The following CCDC107 variants were observed in gnomAD, a reference collection of about 807,000 sequenced individuals.
CCDC107 encodes the protein coiled-coil domain-containing protein 107.
Under a neutral mutation model 17.9 loss-of-function variants are expected in CCDC107, and 17 were observed. The observed-to-expected ratio is 0.95, with a 90% confidence interval of 0.65 to 1.42. The LOEUF (loss-of-function observed/expected upper bound fraction) is 1.42. CCDC107 is among the 40% of genes most tolerant of loss of function. The probability of loss-of-function intolerance (pLI) is 0.00; values close to 1 mark genes in which losing one functional copy is unlikely to be tolerated. For missense variants in CCDC107, 388 were observed against 360.1 expected (o/e 1.08, Z -0.63); for synonymous variants, 170 against 157.2 (o/e 1.08, Z -0.61).
At chr9:35,659,875 C>G (rs968902494) in intron 2 of CCDC107, 1 of 152,708 alleles carries the variant, frequency 6.5e-6, no homozygotes, top group African/African-American at 2.4e-5. Context: ...GATGGAGTCT[C>G]GCTCTGTCAC....
Position 35,661,013 on chromosome 9 carries a change from G to A in CCDC107, c.678G>A (p.Trp226Ter). 1 of 1,614,094 alleles carries A rather than the reference G, an allele frequency of 6.2e-7. No individual in the cohort carries two copies. Among genetic ancestry groups the A allele is most frequent in the Non-Finnish European group, 8.5e-7 (1 of 1,179,978 alleles). ...AGGAGATTGGTGACAGTCAGGCCTG[G>A]GAGGAGCCCACAAACTGGAGCACAG... Reference protein sequence around the residue: ...DEEEIGDSQAWEEPTNWSTET... With the variant: ...DEEEIGDSQA The change falls in exon 5 of 5, where the codon TGG (tryptophan) becomes TGA (stop). Residue 226 changes from tryptophan (W) to a stop codon, truncating the protein, a stop_gained. Transcript: ENST00000426546. LOFTEE classifies it low-confidence loss of function (END_TRUNC).
chr9:35,659,551 GC>G (rs1258848113), intron 2 of CCDC107: 1 of 152,212 alleles, frequency 6.6e-6, no homozygotes, highest in Non-Finnish European at 1.5e-5. Context: ...TGCTTCACCT[GC>G]CAATCAGAAT....
Position 35,661,000 on chromosome 9 carries a change from ACAGT to A in CCDC107, c.669_672del (p.Ser223ArgfsTer16), listed in dbSNP as rs534657208. 522 of 1,614,150 alleles carry A rather than the reference ACAGT, an allele frequency of 3.2e-4. 2 individuals carry two copies. In the African/African-American group the frequency reaches 5.7e-3, roughly 18 times the overall value. ...AAGGAGGACGAGGAGGAGATTGGTG[ACAGT>A]CAGGCCTGGGAGGAGCCCACAAACT... On this transcript the variant is annotated frameshift_variant, in exon 5 of 5. Transcript: ENST00000426546. LOFTEE classifies it low-confidence loss of function (END_TRUNC).
At chr9:35,659,081 G>T (rs1418467095) in intron 2 of CCDC107, 1 of 200,036 alleles carries the variant, frequency 5.0e-6, no homozygotes, top group African/African-American at 2.3e-5. Flanking sequence ...TACAAGAGTG[G>T]GGCCAGCCTT....
chr9:35,658,907 G>T (rs565383075), intron 2 of CCDC107, 180 bp downstream of exon 2: 1 of 444,230 alleles, frequency 2.3e-6, no homozygotes, highest in East Asian at 3.6e-5. Flanking sequence ...TTATTTTGAG[G>T]ATCCAGGGAG....
chr9:35,658,893 G>T lies in CCDC107; in HGVS notation c.258+166G>T, dbSNP rs185161754. 640 of 458,586 alleles carry T rather than the reference G, an allele frequency of 1.4e-3. 2 individuals are homozygous for T. Among genetic ancestry groups the T allele is most frequent in the South Asian group, 2.8e-3 (64 of 22,808 alleles). The allele number at this position is 458,586 out of a possible 1,614,324, so 28.4% of individuals were successfully genotyped here. A position where few individuals can be genotyped will look rare whatever the true frequency, so the allele number is the denominator to read the frequency against. On this transcript the variant is annotated intron_variant, in intron 2 of 4. Coordinates refer to ENST00000426546, the MANE Select transcript of CCDC107 (RefSeq NM_174923.3). ...TAGTCCGTTGGCCTTCCAATATTAT[G>T]AGGTTATTTTGAGGATCCAGGGAGG...
rs976051204 is a variant in CCDC107 at position 35,658,845 on chromosome 9, C to T, written c.258+118C>T. 2.5e-5 allele frequency: 14 copies of T among 558,554 alleles called. No homozygotes were observed. The African/African-American group carries it at 2.5e-4, about 10-fold the overall frequency. The allele number at this position is 558,554 out of a possible 1,614,324, so 34.6% of individuals were successfully genotyped here. On this transcript the variant is annotated intron_variant, in intron 2 of 4. Coordinates refer to ENST00000426546, the MANE Select transcript of CCDC107 (RefSeq NM_174923.3). ...GGGTACCAAGAACAAGACACAGCTT[C>T]CCTGTCTGTAAAATAAAGACAGTAG... is the stretch of plus-strand genomic sequence containing the variant.
Position 35,658,294 on chromosome 9 carries a change from T to G in CCDC107, c.-86T>G. The G allele has an allele frequency of 8.6e-7, 1 of 1,164,256 alleles. No homozygotes were observed. Among genetic ancestry groups the G allele is most frequent in the East Asian group, 3.2e-5 (1 of 31,566 alleles). The allele number at this position is 1,164,256 out of a possible 1,614,324, so 72.1% of individuals were successfully genotyped here. A position where few individuals can be genotyped will look rare whatever the true frequency, so the allele number is the denominator to read the frequency against. ...GCCTCCCCGGAGCCGGCCGGCCTGCTCGCGTGCGCGTGCGCGTTGGGGCGG... is the reference window on the plus strand; with the variant it reads ...GCCTCCCCGGAGCCGGCCGGCCTGCGCGCGTGCGCGTGCGCGTTGGGGCGG... On this transcript the variant is annotated 5_prime_UTR_variant, in exon 1 of 5. Coordinates refer to ENST00000426546, the MANE Select transcript of CCDC107 (RefSeq NM_174923.3).
chr9:35,661,229 C>A lies in CCDC107; in HGVS notation c.*42C>A. The stretch of plus-strand genomic sequence containing the variant: ...GTTTTTTCGATCCTAGTTGGTTGTA[C>A]ACACCCATACTAGGTGCCTAAGGAC... On this transcript the variant is annotated 3_prime_UTR_variant, in exon 5 of 5. Coordinates refer to ENST00000426546, the MANE Select transcript of CCDC107 (RefSeq NM_174923.3). 1.4e-6 allele frequency: 2 copies of A among 1,431,790 alleles called. No individual in the cohort carries two copies. Among genetic ancestry groups the A allele is most frequent in the Non-Finnish European group, 1.9e-6 (2 of 1,042,418 alleles). The allele number at this position is 1,431,790 out of a possible 1,614,324, so 88.7% of individuals were successfully genotyped here. A position where few individuals can be genotyped will look rare whatever the true frequency, so the allele number is the denominator to read the frequency against.
At chr9:35,658,857 A>C in intron 2 of CCDC107, 130 bp downstream of exon 2, 2 of 529,240 alleles carry the variant, frequency 3.8e-6, no homozygotes, top group Admixed American at 4.0e-5. Flanking sequence ...CTGTCTGTAA[A>C]ATAAAGACAG....
chr9:35,659,646 A>G (rs1239883048), intron 2 of CCDC107: 1 of 152,358 alleles, frequency 6.6e-6, no homozygotes, highest in East Asian at 1.9e-4. Context: ...ACCACCGTCA[A>G]TGAGCACTGA....
intron 2 of CCDC107, chr9:35,658,982 A>C: frequency 2.8e-6 from 1 of 357,774 alleles, no homozygotes; most frequent in Middle Eastern, 7.0e-4. Flanking sequence ...TTCTCCTACA[A>C]TCCAGTGAGG....
chr9:35,658,494 TAG>T lies in CCDC107; in HGVS notation c.106+10_106+11del. ...CCTCCGGGCACACCCAGGTACCAGC[TAG>T]GGCTGCTGGAGGAGGGCTGGGACTG... On this transcript the variant is annotated intron_variant, in intron 1 of 4. Transcript: ENST00000426546. 1.3e-6 allele frequency: 2 copies of T among 1,483,418 alleles called. No homozygotes were observed. The highest frequency in any genetic ancestry group is 2.5e-5 in the South Asian group (2 of 78,490). The allele number at this position is 1,483,418 out of a possible 1,614,324, so 91.9% of individuals were successfully genotyped here.
rs1316956269 is a variant in CCDC107 at position 35,658,667 on chromosome 9, G to C, written c.198G>C (p.Leu66=). The C allele has an allele frequency of 3.8e-6, 6 of 1,573,340 alleles. No individual in the cohort carries two copies. Among genetic ancestry groups the C allele is most frequent in the Non-Finnish European group, 5.1e-6 (6 of 1,166,070 alleles). ...GCGAGCGGACCCGGGCCGGGTCGCT[G>C]CCTCTGGGGGCGCTGTACACCGCGG... ...DQRERTRAGS[L]PLGALYTAAV... The change falls in exon 2 of 5, where the codon CTG becomes CTC. Residue 66 remains leucine, a synonymous_variant. Coordinates refer to ENST00000426546, the MANE Select transcript of CCDC107 (RefSeq NM_174923.3).
In CCDC107 at chr9:35,660,965, C is replaced by T. The variant is rs750784999; in HGVS notation, c.630C>T (p.Asp210=). The T allele has an allele frequency of 3.7e-6, 6 of 1,614,038 alleles. No homozygotes were observed. The African/African-American group carries it at 8.0e-5, about 22-fold the overall frequency. Residue 210 remains aspartate (D), a synonymous_variant, in exon 5 of 5, where the codon GAC becomes GAT. Transcript: ENST00000426546. The part of the protein sequence containing the change: ...HTEASRPLPE[D]FCLKEDEEEI... ...AGGCCAGCAGACCTCTTCCTGAGGA[C>T]TTCTGTTTAAAGGAGGACGAGGAGG...
chr9:35,658,514 TGGGACTGCGCACGG>T (rs1563909353), intron 1 of CCDC107, 29 bp downstream of exon 1: 1 of 1,506,830 alleles, frequency 6.6e-7, no homozygotes, highest in Non-Finnish European at 8.8e-7. Flanking sequence ...GGAGGAGGGC[TGGGACTGCGCACGG>T]GTCCCAGGCC....
In CCDC107 at chr9:35,658,358, T is replaced by C; in HGVS notation, c.-22T>C. 1.5e-6 allele frequency: 2 copies of C among 1,361,520 alleles called. No homozygotes were observed. Among genetic ancestry groups the C allele is most frequent in the South Asian group, 1.8e-5 (1 of 56,132 alleles). 84.3% of individuals were successfully genotyped at this position (1,361,520 alleles called of 1,614,324 possible). The stretch of plus-strand genomic sequence containing the variant: ...GACCGCTTCGGCACCGCCCGCCCGA[T>C]CCCTCCACCCGTGGGCCGGCAATGG... On this transcript the variant is annotated 5_prime_UTR_variant, in exon 1 of 5. Transcript: ENST00000426546.
chr9:35,660,152 CT>C (rs371236640), intron 2 of CCDC107: 38 of 412,214 alleles, frequency 9.2e-5, no homozygotes, highest in African/African-American at 7.2e-4. Context: ...GCCACCAGAG[CT>C]TTTTTCAAAC....
In CCDC107 at chr9:35,660,554, C is replaced by A; in HGVS notation, c.320-3C>A. 3.7e-6 allele frequency: 6 copies of A among 1,614,102 alleles called. No homozygotes were observed. The highest frequency in any genetic ancestry group is 5.1e-6 in the Non-Finnish European group (6 of 1,180,022). ...TCTGCCCCCTTTTTTCCCTTATCCC[C>A]AGAGCAACAGCTGGCCCAGTTGACA... On this transcript the variant is annotated splice_polypyrimidine_tract_variant and splice_region_variant and intron_variant, in intron 3 of 4. Transcript: ENST00000426546.
Sources: gnomAD v4.1 joint callset for allele counts on GRCh38, gnomAD v4.1.1 for gene constraint, MANE v1.5 for transcripts, NCBI Gene and HGNC (gene_info 2026-07-23, HGNC 2026-07-21) for gene names.